Variants in TRPM7 observed in about 807,000 individuals in gnomAD.
TRPM7 encodes transient receptor potential cation channel subfamily M member 7, also known as LTRPC ion channel family member 7.
Under a neutral mutation model 229.7 loss-of-function variants are expected in TRPM7, and 134 were observed. The ratio of observed to expected loss-of-function variants is 0.58; its 90% confidence interval spans 0.51 to 0.67. The LOEUF is 0.67. Among genes scored for constraint, TRPM7 ranks in the 30% least tolerant of loss-of-function variants. The pLI is 0.00. For synonymous variants in TRPM7, 699 were observed against 715.2 expected, an observed-to-expected ratio of 0.98 and a Z score of 0.36; for missense variants, 1,901 against 2,210.0, an observed-to-expected ratio of 0.86 and a Z score of 2.80.
rs1483116067 is a variant in TRPM7 at position 50,672,458 on chromosome 15, A to T, written c.4-9412T>A. 5.9e-5 allele frequency among the ~76,000 whole-genome samples: 9 copies of T among 151,898 alleles called. No homozygotes were observed. The South Asian group carries it at 1.9e-3, about 32-fold the overall frequency. ...ATCATAGAAAATGACAACTCCATTC[A>T]TGTTATTGTCCCTCAAAACCTTCCA... On this transcript the variant is annotated intron_variant, in intron 1 of 38. Transcript: ENST00000646667.
At chr15:50,586,618 T>C (rs2059350031) in intron 27 of TRPM7, 130 bp from the exon 28 acceptor site, 2 of 561,890 alleles carry the variant, frequency 3.6e-6, no homozygotes, top group Admixed American at 3.5e-5. Context: ...CACCAATGGG[T>C]GTATTATAGA....
chr15:50,575,941 C>G, intron 31 of TRPM7, 22 bp from the exon 32 acceptor site: 1 of 1,610,516 alleles, frequency 6.2e-7, no homozygotes, highest in Non-Finnish European at 8.5e-7. Flanking sequence ...AATAAACAAA[C>G]GAGACCATTT....
chr15:50,558,243 T>A lies in TRPM7; in HGVS notation c.*3435A>T, dbSNP rs1041327757. 45 of 152,114 alleles carry A rather than the reference T, an allele frequency of 3.0e-4. No homozygotes were observed. The highest frequency in any genetic ancestry group is 9.7e-4 in the African/African-American group (40 of 41,428). The allele number at this position is 152,114 out of a possible 1,614,324, so 9.4% of individuals were successfully genotyped here. ...CATGCTTGAGAGTCAATACAGCACA[T>A]AATTCACAGCACAGATGAGGCTGGG... On this transcript the variant is annotated 3_prime_UTR_variant, in exon 39 of 39. Coordinates refer to ENST00000646667, the MANE Select transcript of TRPM7 (RefSeq NM_017672.6).
intron 11 of TRPM7, 95 bp downstream of exon 11, chr15:50,628,054 A>T: frequency 1.2e-6 from 1 of 846,042 alleles, no homozygotes; most frequent in Non-Finnish European, 1.9e-6. Flanking sequence ...TATTGGCAGA[A>T]AGGTAAAATG....
Position 50,595,731 on chromosome 15 carries a change from G to C in TRPM7, c.3290+524C>G, listed in dbSNP as rs934462457. Among the ~76,000 whole-genome samples, 3 of 152,142 alleles carry C rather than the reference G, an allele frequency of 2.0e-5. No individual in the cohort carries two copies. In the East Asian group the frequency reaches 5.8e-4, roughly 29 times the overall value. ...CAAAAAAAATCAGCCAGGCGTTGTG[G>C]TGCACACCTGTAATCCCAGCTACTC... On this transcript the variant is annotated intron_variant, in intron 23 of 38. Transcript: ENST00000646667.
At chr15:50,666,374 G>A (rs948507606) in intron 1 of TRPM7, among the ~76,000 whole-genome samples, 2 of 152,214 alleles carry the variant, frequency 1.3e-5, no homozygotes, top group Admixed American at 1.3e-4. Context: ...CAGGGAGCTC[G>A]AGGCTGCAGC....
intron 4 of TRPM7, among the ~76,000 whole-genome samples, chr15:50,647,565 G>A (rs1335421730): frequency 1.3e-5 from 2 of 152,068 alleles, no homozygotes; most frequent in Non-Finnish European, 2.9e-5. Context: ...CTAACACAAT[G>A]AAACCCTGTC....
At chr15:50,573,657 T>C (rs898548056) in intron 36 of TRPM7, among the ~76,000 whole-genome samples, 2 of 152,252 alleles carry the variant, frequency 1.3e-5, no homozygotes, top group East Asian at 3.8e-4. Context: ...GTATTTGTTA[T>C]TTTTAAAGAA....
chr15:50,646,912 A>G (rs527641431), intron 4 of TRPM7, among the ~76,000 whole-genome samples: 1 of 152,292 alleles, frequency 6.6e-6, no homozygotes, highest in East Asian at 1.9e-4. Flanking sequence ...TATTTAGTAC[A>G]ATAACATGCC....
At chr15:50,620,795 G>C (rs1357861771) in intron 12 of TRPM7, among the ~76,000 whole-genome samples, 1 of 152,074 alleles carries the variant, frequency 6.6e-6, no homozygotes, top group Non-Finnish European at 1.5e-5. Flanking sequence ...AGCCGGGTGT[G>C]GTGGCACATG....
rs751236569 is a variant in TRPM7, at chr15:50,648,888, A to G, written c.123-3T>C. 2.5e-6 allele frequency: 4 copies of G among 1,597,896 alleles called. No individual in the cohort carries two copies. The highest frequency in any genetic ancestry group is 3.4e-6 in the Non-Finnish European group (4 of 1,171,514). ...TGACCAAGCGACCACAAAAACACCT[A>G]AAAGAAAAAGGTGAGATTAAAACAC... On this transcript the variant is annotated splice_polypyrimidine_tract_variant and splice_region_variant and intron_variant, in intron 3 of 38. Transcript: ENST00000646667.
At position 50,560,260 on chromosome 15, in the gene TRPM7, A is replaced by G. The variant is rs962977019; in HGVS notation, c.*1418T>C. The G allele has an allele frequency of 6.6e-6, 1 of 152,600 alleles. No individual in the cohort carries two copies. Among genetic ancestry groups the G allele is most frequent in the African/African-American group, 2.4e-5 (1 of 41,444 alleles). The allele number at this position is 152,600 out of a possible 1,614,324, so 9.5% of individuals were successfully genotyped here. The stretch of plus-strand genomic sequence containing the variant: ...CAAATTGACACCCTGAAAATGTCAG[A>G]TAATTTTTCAGAATGATTAAACTCA... On this transcript the variant is annotated 3_prime_UTR_variant, in exon 39 of 39. Transcript: ENST00000646667.
chr15:50,609,726 T>C lies in TRPM7; in HGVS notation c.2437-2A>G. ...AATCCGTACTTCTTTAAACACTTCC[T>C]AAAATTAAAAAAAAAAAAATTCTTT... is the stretch of plus-strand genomic sequence containing the variant. On this transcript the variant is annotated splice_acceptor_variant, in intron 18 of 38. Transcript: ENST00000646667. LOFTEE classifies it high-confidence loss of function. The C allele has an allele frequency of 1.3e-6, 2 of 1,544,706 alleles. No individual in the cohort carries two copies. The highest frequency in any genetic ancestry group is 1.7e-6 in the Non-Finnish European group (2 of 1,153,562).
intron 1 of TRPM7, among the ~76,000 whole-genome samples, chr15:50,663,519 T>C (rs1316817952): frequency 6.6e-6 from 1 of 152,144 alleles, no homozygotes; most frequent in East Asian, 1.9e-4. Context: ...ATAATTCCAT[T>C]TAAATCCCAA....
In TRPM7 at chr15:50,679,480, A is replaced by C. The variant is rs1460669828; in HGVS notation, c.3+7051T>G. Among the ~76,000 whole-genome samples, 11 of 140,258 alleles carry C rather than the reference A, an allele frequency of 7.8e-5. No homozygotes were observed. In the South Asian group the frequency reaches 2.2e-3, roughly 28 times the overall value. 92.0% of individuals were successfully genotyped at this position (140,258 alleles called of 152,430 possible). A position where few individuals can be genotyped will look rare whatever the true frequency, so the allele number is the denominator to read the frequency against. On this transcript the variant is annotated intron_variant, in intron 1 of 38. Transcript: ENST00000646667. ...TCTACAGGTTTTATTTCATTTATAT[A>C]TATATATATTATATATATGTGTATA...
chr15:50,643,339 C>T lies in TRPM7; in HGVS notation c.535+1G>A. ...TAAAATTGGTATAATCATCACATTA[C>T]CTGTGTTTACTCCTCCAGTTAAAAT... On this transcript the variant is annotated splice_donor_variant, in intron 5 of 38. Transcript: ENST00000646667. LOFTEE classifies it high-confidence loss of function. The T allele has an allele frequency of 6.2e-7, 1 of 1,611,918 alleles. No individual in the cohort carries two copies. The highest frequency in any genetic ancestry group is 8.5e-7 in the Non-Finnish European group (1 of 1,178,204).
chr15:50,619,148 CTTTCTT>C (rs2060315679), intron 13 of TRPM7, among the ~76,000 whole-genome samples: 1 of 151,586 alleles, frequency 6.6e-6, no homozygotes, highest in African/African-American at 2.4e-5. Context: ...TATCAACAGT[CTTTCTT>C]TTATGAACCA....
Position 50,580,868 on chromosome 15 carries a change from A to AC in TRPM7, c.4592+5dup. ...GCAAGCTAATGGTAAGAAAAAGCTT[A>AC]CTTACATTTCTCTGTTTGATGGTCT... On this transcript the variant is annotated splice_donor_region_variant and intron_variant, in intron 30 of 38. Coordinates refer to ENST00000646667, the MANE Select transcript of TRPM7 (RefSeq NM_017672.6). 1 of 1,584,372 alleles carries AC rather than the reference A, an allele frequency of 6.3e-7. No individual in the cohort carries two copies. Among genetic ancestry groups the AC allele is most frequent in the Non-Finnish European group, 8.5e-7 (1 of 1,170,906 alleles).
At position 50,557,913 on chromosome 15, in the gene TRPM7, G is replaced by C. The variant is rs2053189578; in HGVS notation, c.*3765C>G. On this transcript the variant is annotated 3_prime_UTR_variant, in exon 39 of 39. Coordinates refer to ENST00000646667, the MANE Select transcript of TRPM7 (RefSeq NM_017672.6). ...CCCACCTTGGCCTCCCAAAGTGATG[G>C]AATTACAGGCGTGAGCCACTGCACC... 1 of 152,226 alleles carries C rather than the reference G, an allele frequency of 6.6e-6. No individual in the cohort carries two copies. Among genetic ancestry groups the C allele is most frequent in the African/African-American group, 2.4e-5 (1 of 41,448 alleles). 9.4% of individuals were successfully genotyped at this position (152,226 alleles called of 1,614,324 possible). A position where few individuals can be genotyped will look rare whatever the true frequency, so the allele number is the denominator to read the frequency against.
Sources: allele counts gnomAD v4.1 joint callset (sites outside exome capture counted in the v4.1 genomes callset), GRCh38; gene constraint gnomAD v4.1.1; transcripts MANE v1.5; gene names NCBI Gene and HGNC (gene_info 2026-07-23, HGNC 2026-07-21).